The following TENM2 variants were observed in gnomAD, a reference collection of about 807,000 sequenced individuals.
The protein encoded by TENM2 is teneurin-2.
TENM2 carries 52 observed loss-of-function variants against 245.2 expected under a neutral mutation model. The ratio of observed to expected loss-of-function variants is 0.21; its 90% CI spans 0.17 to 0.27. The LOEUF (loss-of-function observed/expected upper bound fraction) is 0.27, where lower values mean the gene tolerates loss of function less well. Ranked by LOEUF, TENM2 falls within the 10% of genes least tolerant of loss-of-function variation. The pLI is 1.00. For missense variants in TENM2, 3,046 were observed against 3,666.8 expected, an observed-to-expected ratio of 0.83 and a Z score of 4.37; for synonymous variants, 1,363 against 1,438.9, an observed-to-expected ratio of 0.95 and a Z score of 1.19.
At chr5:168,143,457 G>T (rs1215783640) in intron 12 of TENM2, among the ~76,000 whole-genome samples, 2 of 152,154 alleles carry the variant, frequency 1.3e-5, no homozygotes, top group African/African-American at 4.8e-5. Context: ...GCATAAGCAG[G>T]CAGAAGTGGG....
chr5:167,752,646 C>T (rs1335201239), intron 2 of TENM2, among the ~76,000 whole-genome samples: 1 of 152,160 alleles, frequency 6.6e-6, no homozygotes, highest in African/African-American at 2.4e-5. Flanking sequence ...TGTTGGGAGT[C>T]ATTGGGAATA....
intron 9 of TENM2, among the ~76,000 whole-genome samples, chr5:168,115,378 AAGGAAGGAAGGAAGGAAGGAAGG>A: frequency 9.8e-6 from 1 of 102,132 alleles, no homozygotes; most frequent in Non-Finnish European, 2.0e-5. Context: ...GGAAGGAAGG[AAGGAAGGAAGGAAGGAAGGAAGG>A]AAGGAAGGGA....
intron 2 of TENM2, among the ~76,000 whole-genome samples, chr5:167,852,876 G>T (rs545234176): frequency 6.6e-6 from 1 of 152,178 alleles, no homozygotes; most frequent in Non-Finnish European, 1.5e-5. Context: ...TACCCACAAA[G>T]TGATAGAAGA....
chr5:167,226,196 T>G, the TENM2 span, among the ~76,000 whole-genome samples: 1 of 152,074 alleles, frequency 6.6e-6, no homozygotes, highest in East Asian at 1.9e-4. Flanking sequence ...TCTTCTAATT[T>G]TGGGTTTGGT....
At chr5:166,988,878 C>T in the TENM2 span, among the ~76,000 whole-genome samples, 1 of 152,184 alleles carries the variant, frequency 6.6e-6, no homozygotes, top group Non-Finnish European at 1.5e-5. Flanking sequence ...AAGTTCCAAG[C>T]TGGTGCATCC....
the TENM2 span, among the ~76,000 whole-genome samples, chr5:167,196,341 G>A: frequency 6.6e-6 from 1 of 151,592 alleles, no homozygotes; most frequent in Non-Finnish European, 1.5e-5. Flanking sequence ...TCATTATAGG[G>A]CACATAATTG....
intron 3 of TENM2, among the ~76,000 whole-genome samples, chr5:167,941,256 GT>G (rs1468306991): frequency 7.2e-5 from 11 of 152,282 alleles, no homozygotes; most frequent in African/African-American, 2.2e-4. Flanking sequence ...GGGGGCTGAT[GT>G]TTACCAGGAC....
chr5:167,456,611 C>T (rs780862385), intron 2 of TENM2, among the ~76,000 whole-genome samples: 1 of 152,108 alleles, frequency 6.6e-6, no homozygotes, highest in Non-Finnish European at 1.5e-5. Context: ...AGAATTTATC[C>T]ACTAGGATAT....
Position 168,217,621 on chromosome 5 carries a change from A to T in TENM2, c.4234-504A>T, listed in dbSNP as rs541495407. On this transcript the variant is annotated intron_variant, in intron 22 of 28. Coordinates refer to ENST00000518659, the Ensembl canonical transcript of TENM2. ...CGTTTATTTTTTAAAGCAGACACTC[A>T]AGTTGTAGTTTGCTGGAGAGCCTGC... Among the ~76,000 whole-genome samples the T allele has an allele frequency of 1.4e-4, 21 of 152,344 alleles. No homozygotes were observed. In the East Asian group the frequency reaches 3.9e-3, roughly 28 times the overall value.
rs10581183 is a variant in TENM2 at position 167,550,699 on chromosome 5, AGTGTGTGTGTGTGT to A, written c.502+175264_502+175277del. The stretch of plus-strand genomic sequence containing the variant: ...AATTACCTTTTTTTTTGTTGTTGTT[AGTGTGTGTGTGTGT>A]GTGTGTGTGTGTGTGTGTGTGTGTG... On this transcript the variant is annotated intron_variant, in intron 2 of 28. Transcript: ENST00000518659. 2.7e-3 allele frequency among the ~76,000 whole-genome samples: 307 copies of A among 114,168 alleles called. 4 individuals are homozygous for A. Among genetic ancestry groups the A allele is most frequent in the African/African-American group, 8.9e-3 (258 of 28,978 alleles). 74.9% of individuals were successfully genotyped at this position (114,168 alleles called of 152,430 possible).
At chr5:167,772,760 C>T (rs10042653) in intron 2 of TENM2, among the ~76,000 whole-genome samples, 2,160 of 152,136 alleles carry the variant, frequency 0.014, 52 homozygotes, top group African/African-American at 0.049. Flanking sequence ...ATTCTGTTAA[C>T]CAGAAGAACA....
At chr5:167,787,359 A>G (rs1247063992) in intron 2 of TENM2, among the ~76,000 whole-genome samples, 4 of 152,224 alleles carry the variant, frequency 2.6e-5, no homozygotes, top group African/African-American at 9.6e-5. Context: ...ACAATTGCAA[A>G]TGAAAGAATT....
the TENM2 span, among the ~76,000 whole-genome samples, chr5:167,044,807 A>G: frequency 1.3e-5 from 2 of 152,226 alleles, no homozygotes; most frequent in Non-Finnish European, 2.9e-5. Context: ...TTTGTCTATT[A>G]GTAAAATATA....
chr5:167,775,688 TA>T (rs922993435), intron 2 of TENM2, among the ~76,000 whole-genome samples: 10 of 149,618 alleles, frequency 6.7e-5, no homozygotes, highest in East Asian at 5.9e-4. Flanking sequence ...GTTCTCGGAT[TA>T]AAAAAAAAAT....
the TENM2 span, among the ~76,000 whole-genome samples, chr5:167,212,182 G>A: frequency 6.6e-6 from 1 of 152,164 alleles, no homozygotes; most frequent in Non-Finnish European, 1.5e-5. Flanking sequence ...GAAGATGAGA[G>A]GGAAGTGAAA....
intron 5 of TENM2, among the ~76,000 whole-genome samples, chr5:167,994,659 G>C (rs1478992593): frequency 6.6e-6 from 1 of 152,156 alleles, no homozygotes; most frequent in Non-Finnish European, 1.5e-5. Context: ...CCCTCCCAAA[G>C]TGAGAAAACT....
At chr5:168,183,180 T>C (rs1760081466) in intron 13 of TENM2, among the ~76,000 whole-genome samples, 1 of 152,150 alleles carries the variant, frequency 6.6e-6, no homozygotes, top group Non-Finnish European at 1.5e-5. Context: ...CCTGTGCATG[T>C]AGGGTCAATA....
At chr5:167,258,992 C>G in the TENM2 span, among the ~76,000 whole-genome samples, 2 of 152,164 alleles carry the variant, frequency 1.3e-5, no homozygotes, top group African/African-American at 2.4e-5. Flanking sequence ...GAATGTCCAT[C>G]AGAATCATCT....
At chr5:167,678,641 T>A (rs1756497596) in intron 2 of TENM2, among the ~76,000 whole-genome samples, 1 of 152,100 alleles carries the variant, frequency 6.6e-6, no homozygotes, top group Admixed American at 6.6e-5. Flanking sequence ...AGGCATTCCA[T>A]AAATGTTTGT....
Sources: allele counts gnomAD v4.1 joint callset (sites outside exome capture counted in the v4.1 genomes callset), GRCh38; gene constraint gnomAD v4.1.1; transcripts MANE v1.5; gene names NCBI Gene and HGNC (gene_info 2026-07-23, HGNC 2026-07-21).